CRACDL: variants seen among roughly 807,000 people sequenced by gnomAD.
CRACDL encodes CRACD-like protein.
CRACDL carries 26 observed loss-of-function variants against 70.6 expected under a neutral mutation model. The ratio of observed to expected loss-of-function variants is 0.37; its 90% CI spans 0.27 to 0.51. CRACDL has a LOEUF of 0.51. CRACDL is among the 20% of genes least tolerant of loss of function. The pLI is 0.94. For synonymous variants in CRACDL, 618 were observed against 615.2 expected, an observed-to-expected ratio of 1.00 and a Z score of -0.07; for missense variants, 1,283 against 1,376.9, an observed-to-expected ratio of 0.93 and a Z score of 1.08.
chr2:98,832,979 C>T lies in CRACDL; in HGVS notation c.258G>A (p.Leu86=). The T allele has an allele frequency of 1.2e-6, 2 of 1,613,380 alleles. No homozygotes were observed. The highest frequency in any genetic ancestry group is 1.7e-6 in the Non-Finnish European group (2 of 1,179,614). Residue 86 remains leucine (L), a synonymous_variant, in exon 4 of 10, where the codon CTG becomes CTA. Transcript: ENST00000397899. Reference sequence around the variant, plus strand: ...TGTCGTGAGAAAGGGCCCGGCTGCCCAGCGTGCCCCTCGACTCCCTAGGAT... The same window carrying T: ...TGTCGTGAGAAAGGGCCCGGCTGCCTAGCGTGCCCCTCGACTCCCTAGGAT... The part of the protein sequence containing the change: ...EDELEESRGT[L]GSRALSHDSI...
chr2:98,820,013 T>C (rs754809836), intron 7 of CRACDL, among the ~76,000 whole-genome samples: 39 of 150,942 alleles, frequency 2.6e-4, no homozygotes, highest in Non-Finnish European at 4.6e-4. Context: ...AGAGATGGGG[T>C]TTCACCACGT....
intron 1 of CRACDL, among the ~76,000 whole-genome samples, chr2:98,893,509 C>G (rs1345629498): frequency 1.3e-5 from 2 of 152,132 alleles, no homozygotes; most frequent in African/African-American, 4.8e-5. Context: ...TGGTCTCGAT[C>G]TCCTGACCTC....
intron 1 of CRACDL, among the ~76,000 whole-genome samples, chr2:98,852,754 G>C (rs192089976): frequency 1.4e-4 from 22 of 152,148 alleles, no homozygotes; most frequent in African/African-American, 5.3e-4. Flanking sequence ...AAATTGAAGA[G>C]AGATCAATAG....
intron 1 of CRACDL, among the ~76,000 whole-genome samples, chr2:98,889,169 A>G (rs943877990): frequency 1.3e-5 from 2 of 148,668 alleles, no homozygotes; most frequent in Non-Finnish European, 3.0e-5. Context: ...GAAGGAAGGA[A>G]GGGGAAGGAA....
At chr2:98,901,496 C>CT (rs1472682945) in intron 1 of CRACDL, among the ~76,000 whole-genome samples, 2 of 152,226 alleles carry the variant, frequency 1.3e-5, no homozygotes, top group African/African-American at 2.4e-5. Context: ...CCCACGTGGC[C>CT]TGAGGCCCTA....
intron 7 of CRACDL, among the ~76,000 whole-genome samples, chr2:98,808,099 G>A (rs1018492796): frequency 1.3e-5 from 2 of 152,166 alleles, no homozygotes; most frequent in East Asian, 1.9e-4. Flanking sequence ...AAACAGCCAC[G>A]TGCAGCTACT....
intron 5 of CRACDL, among the ~76,000 whole-genome samples, chr2:98,831,744 G>A (rs1320555926): frequency 6.6e-6 from 1 of 152,166 alleles, no homozygotes; most frequent in African/African-American, 2.4e-5. Flanking sequence ...GCTCTTTTCC[G>A]AGTTCCTCGG....
At chr2:98,878,318 TTTTA>T (rs1406985697) in intron 1 of CRACDL, among the ~76,000 whole-genome samples, 1 of 152,204 alleles carries the variant, frequency 6.6e-6, no homozygotes, top group Non-Finnish European at 1.5e-5. Flanking sequence ...TACTGTCCCT[TTTTA>T]CTATCCCTTT....
chr2:98,832,999 T>C lies in CRACDL; in HGVS notation c.240-2A>G, dbSNP rs1559223139. 6.2e-7 allele frequency: 1 copy of C among 1,610,040 alleles called. No homozygotes were observed. ...CTGCCCAGCGTGCCCCTCGACTCCC[T>C]AGGATAAAAGAGCCACTGTGAGACT... On this transcript the variant is annotated splice_acceptor_variant, in intron 3 of 9. Transcript: ENST00000397899. LOFTEE classifies it high-confidence loss of function.
intron 1 of CRACDL, among the ~76,000 whole-genome samples, chr2:98,877,515 G>A (rs372213594): frequency 6.6e-6 from 1 of 152,160 alleles, no homozygotes; most frequent in African/African-American, 2.4e-5. Context: ...GGAGGCCGAG[G>A]CAGGCGGATT....
chr2:98,913,604 T>A (rs1005550104), intron 1 of CRACDL, among the ~76,000 whole-genome samples: 1 of 151,978 alleles, frequency 6.6e-6, no homozygotes, highest in African/African-American at 2.4e-5. Context: ...GCCGATGGAC[T>A]CACCCAGGAG....
chr2:98,883,190 T>C (rs1365979269), intron 1 of CRACDL, among the ~76,000 whole-genome samples: 1 of 152,202 alleles, frequency 6.6e-6, no homozygotes, highest in African/African-American at 2.4e-5. Flanking sequence ...CAGTATTCTG[T>C]GCCCATTGGG....
At chr2:98,837,968 G>A in intron 3 of CRACDL, 151 bp downstream of exon 3, 1 of 611,626 alleles carries the variant, frequency 1.6e-6, no homozygotes, top group Non-Finnish European at 2.7e-6. Flanking sequence ...CCATCCCTAG[G>A]TTTGAAAAGA....
intron 2 of CRACDL, among the ~76,000 whole-genome samples, chr2:98,845,368 T>C (rs1323701328): frequency 1.3e-5 from 2 of 151,962 alleles, no homozygotes. Context: ...AGCCAATTTT[T>C]AAATTTTTTT....
intron 5 of CRACDL, among the ~76,000 whole-genome samples, chr2:98,828,159 A>C (rs1230395831): frequency 6.6e-6 from 1 of 152,204 alleles, no homozygotes; most frequent in Non-Finnish European, 1.5e-5. Flanking sequence ...GAACTTGGCC[A>C]GCTCCACCAC....
In CRACDL at chr2:98,822,077, C is replaced by T. The variant is rs1463641016; in HGVS notation, c.2196G>A (p.Thr732=). 3 of 1,554,022 alleles carry T rather than the reference C, an allele frequency of 1.9e-6. No homozygotes were observed. The African/African-American group carries it at 4.1e-5, about 21-fold the overall frequency. ...LPKEEKCPLG[T]APALRGTRAP... is the part of the protein sequence containing the mutation. ...CCCTGGTGCCTCGAAGGGCGGGGGCCGTCCCGAGGGGACACTTCTCCTCCT... is the reference window on the plus strand; with the variant it reads ...CCCTGGTGCCTCGAAGGGCGGGGGCTGTCCCGAGGGGACACTTCTCCTCCT... The change falls in exon 7 of 10, where the codon ACG becomes ACA. Residue 732 remains threonine (T), a synonymous_variant. Transcript: ENST00000397899. This position sits in a 1 kb window ranked among gnomAD's most constrained non-coding sequence, Gnocchi z 4.9.
intron 7 of CRACDL, among the ~76,000 whole-genome samples, chr2:98,814,774 A>C (rs146526545): frequency 0.03 from 4,529 of 152,246 alleles, 88 homozygotes; most frequent in Middle Eastern, 0.065. Context: ...GAGGAGTGCT[A>C]AAGTCTCTAC....
intron 3 of CRACDL, among the ~76,000 whole-genome samples, chr2:98,833,925 A>G (rs527989558): frequency 2.3e-4 from 35 of 152,328 alleles, no homozygotes; most frequent in Non-Finnish European, 4.3e-4. Flanking sequence ...GGCCCTGTCC[A>G]ACTGTAGATC....
At chr2:98,826,858 G>T in intron 6 of CRACDL, 117 bp downstream of exon 6, 1 of 665,482 alleles carries the variant, frequency 1.5e-6, no homozygotes, top group African/African-American at 1.8e-5. Flanking sequence ...ATCAACTGTG[G>T]GGTGCTCAGA....
Sources: gnomAD v4.1 joint callset for allele counts (sites outside exome capture counted in the v4.1 genomes callset) on GRCh38, gnomAD v4.1.1 for gene constraint, Gnocchi (gnomAD v3.1) non-coding constraint, MANE v1.5 for transcripts, NCBI Gene and HGNC (gene_info 2026-07-23, HGNC 2026-07-21) for gene names.